LHX1: variants seen among roughly 807,000 people sequenced by gnomAD.
The protein encoded by LHX1 is LIM/homeobox protein Lhx1.
A neutral mutation model predicts 34.1 loss-of-function variants in LHX1; 9 were observed. That is an observed-to-expected ratio of 0.26 (90% CI 0.16 to 0.46). LHX1 has a LOEUF of 0.46. Ranked by LOEUF, LHX1 falls within the 20% of genes least tolerant of loss-of-function variation. The pLI, the probability that LHX1 is intolerant of heterozygous loss-of-function variation, is 1.00. For synonymous variants in LHX1, 254 were observed against 241.5 expected (o/e 1.05, Z -0.48); for missense variants, 446 against 559.1 (o/e 0.80, Z 2.04).
Position 36,942,185 on chromosome 17 carries a change from C to T in LHX1, c.676-15C>T, listed in dbSNP as rs2070769348. On this transcript the variant is annotated splice_polypyrimidine_tract_variant and intron_variant, in intron 3 of 4. Transcript: ENST00000614239. ...TGGAGTCTCGGTGGCCTCACCCCGC[C>T]GCCATGTGCTGCAGGTCTGGTTCCA... 2 of 1,572,928 alleles carry T rather than the reference C, an allele frequency of 1.3e-6. No homozygotes were observed. Among genetic ancestry groups the T allele is most frequent in the Non-Finnish European group, 1.7e-6 (2 of 1,168,334 alleles).
chr17:36,938,490 A>T, intron 1 of LHX1, 123 bp downstream of exon 1: 1 of 1,015,862 alleles, frequency 9.8e-7, no homozygotes, highest in Non-Finnish European at 1.5e-6. Context: ...GAGGGCAGCC[A>T]AGTCCCGCGG....
chr17:36,938,356 C>A lies in LHX1; in HGVS notation c.159C>A (p.Asn53Lys), dbSNP rs34167802. 2 of 1,614,172 alleles carry A rather than the reference C, an allele frequency of 1.2e-6. No individual in the cohort carries two copies. Among genetic ancestry groups the A allele is most frequent in the Admixed American group, 1.7e-5 (1 of 60,024 alleles). The stretch of plus-strand genomic sequence containing the variant: ...GGGAAGGCAAACTCTACTGCAAGAA[C>A]GACTTCTTCCGGTGAGTACTTTCCT... ...FSREGKLYCKNDFFRCFGTKC... is the reference protein window; with the variant it reads ...FSREGKLYCKKDFFRCFGTKC... The change falls in exon 1 of 5, where the codon AAC becomes AAA. Residue 53 changes from asparagine (N) to lysine (K), a missense_variant. Asn to Lys is a moderately conservative substitution (Grantham distance 94). Coordinates refer to ENST00000614239, the MANE Select transcript of LHX1 (RefSeq NM_005568.5).
In LHX1 at chr17:36,937,821, T is replaced by G; in HGVS notation, c.-377T>G. ...AGTCGTCGTCTTCTTCTTCTCCGTT[T>G]TTATTTATTTATTTCCGTTCCCGCC... On this transcript the variant is annotated 5_prime_UTR_variant, in exon 1 of 5. Coordinates refer to ENST00000614239, the MANE Select transcript of LHX1 (RefSeq NM_005568.5). 2.0e-6 allele frequency: 1 copy of G among 504,698 alleles called. No homozygotes were observed. The highest frequency in any genetic ancestry group is 5.5e-5 in the East Asian group (1 of 18,324). The allele number at this position is 504,698 out of a possible 1,614,324, so 31.3% of individuals were successfully genotyped here.
chr17:36,944,184 C>G lies in LHX1; in HGVS notation c.*1053C>G, dbSNP rs1483104402. 1 of 150,686 alleles carries G rather than the reference C, an allele frequency of 6.6e-6. No individual in the cohort carries two copies. Among genetic ancestry groups the G allele is most frequent in the African/African-American group, 2.4e-5 (1 of 40,862 alleles). The allele number at this position is 150,686 out of a possible 1,614,324, so 9.3% of individuals were successfully genotyped here. ...TTACACGAGGCAAAGAGAAAACATG[C>G]TATTCAGACAGTTGCCAAATAGAAT... is the stretch of plus-strand genomic sequence containing the variant. On this transcript the variant is annotated 3_prime_UTR_variant, in exon 5 of 5. Coordinates refer to ENST00000614239, the MANE Select transcript of LHX1 (RefSeq NM_005568.5).
chr17:36,940,698 G>C lies in LHX1; in HGVS notation c.486G>C (p.Ser162=), dbSNP rs1567957266. 1 of 1,613,778 alleles carries C rather than the reference G, an allele frequency of 6.2e-7. No individual in the cohort carries two copies. Among genetic ancestry groups the C allele is most frequent in the Non-Finnish European group, 8.5e-7 (1 of 1,180,046 alleles). ...AGGACTCGGAGAGCGCCAACGTGTC[G>C]GACAAGGAAGCGGGTAGCAACGAGA... ...DAKDSESANV[S]DKEAGSNEND... is the part of the protein sequence containing the mutation. The change falls in exon 3 of 5, where the codon TCG becomes TCC. Residue 162 remains serine (S), a synonymous_variant. Transcript: ENST00000614239.
Position 36,943,206 on chromosome 17 carries a change from A to AAC in LHX1, c.*76_*77insCA, listed in dbSNP as rs2070780078. 2 of 1,513,088 alleles carry AAC rather than the reference A, an allele frequency of 1.3e-6. No individual in the cohort carries two copies. The highest frequency in any genetic ancestry group is 1.3e-5 in the South Asian group (1 of 79,630). 93.7% of individuals were successfully genotyped at this position (1,513,088 alleles called of 1,614,324 possible). ...TTATTTAAGAAAAATAGAAAAAAAA[A>AAC]AACATAAAAAGCAAGTCCCCACCCC... On this transcript the variant is annotated 3_prime_UTR_variant, in exon 5 of 5. Transcript: ENST00000614239.
chr17:36,940,076 GCT>G lies in LHX1; in HGVS notation c.171-206_171-205del. The G allele has an allele frequency of 5.0e-6, 3 of 603,982 alleles. No individual in the cohort carries two copies. In the South Asian group the frequency reaches 5.9e-5, roughly 12 times the overall value. 37.4% of individuals were successfully genotyped at this position (603,982 alleles called of 1,614,324 possible). The stretch of plus-strand genomic sequence containing the variant: ...CTCCCTAACTCTTCCCTGGTGCCGC[GCT>G]CTCTCTCCTGCTGCCTCCTCACCTG... On this transcript the variant is annotated intron_variant, in intron 1 of 4. Transcript: ENST00000614239.
chr17:36,942,116 G>A, intron 3 of LHX1, 84 bp from the exon 4 acceptor site: 3 of 1,425,884 alleles, frequency 2.1e-6, no homozygotes, highest in Non-Finnish European at 2.9e-6. Flanking sequence ...TAGCCAGGCG[G>A]TGAAGGGGTG....
At chr17:36,941,693 G>T (rs761937890) in intron 3 of LHX1, among the ~76,000 whole-genome samples, 1 of 152,264 alleles carries the variant, frequency 6.6e-6, no homozygotes, top group African/African-American at 2.4e-5. Flanking sequence ...GTCACTATTG[G>T]CAAGAGGCTG....
Position 36,943,132 on chromosome 17 carries a change from C to A in LHX1, c.*1C>A. The A allele has an allele frequency of 6.2e-7, 1 of 1,611,574 alleles. No homozygotes were observed. The highest frequency in any genetic ancestry group is 2.2e-5 in the East Asian group (1 of 44,798). On this transcript the variant is annotated 3_prime_UTR_variant, in exon 5 of 5. Transcript: ENST00000614239. ...AATGAACGAGGCGGCCGTGTGGTAG[C>A]GGGGTCTCGCACGGTCTGCGGAGTT...
At position 36,938,690 on chromosome 17, in the gene LHX1, C is replaced by T. The variant is rs1228733649; in HGVS notation, c.170+323C>T. The T allele has an allele frequency of 3.3e-5, 16 of 485,694 alleles. No homozygotes were observed. The East Asian group carries it at 6.0e-4, about 18-fold the overall frequency. The allele number at this position is 485,694 out of a possible 1,614,324, so 30.1% of individuals were successfully genotyped here. A position where few individuals can be genotyped will look rare whatever the true frequency, so the allele number is the denominator to read the frequency against. On this transcript the variant is annotated intron_variant, in intron 1 of 4. Coordinates refer to ENST00000614239, the MANE Select transcript of LHX1 (RefSeq NM_005568.5). ...CGGGCGTTGTAGCCCGGACTGCTGT[C>T]TTTCCCGGAGCCAAGCTCTGCAGCA...
chr17:36,940,278 AC>A lies in LHX1; in HGVS notation c.171-5del, dbSNP rs749643400. On this transcript the variant is annotated splice_polypyrimidine_tract_variant and intron_variant, in intron 1 of 4. Transcript: ENST00000614239. ...ATCCCCGCCCCCGCCCCCCACCCCC[AC>A]CCCCCCGCAGGTGTTTCGGTACCAA... 1.3e-3 allele frequency: 388 copies of A among 291,844 alleles called. No individual in the cohort carries two copies. The highest frequency in any genetic ancestry group is 2.1e-3 in the Non-Finnish European group (335 of 156,948). The allele number at this position is 291,844 out of a possible 1,614,324, so 18.1% of individuals were successfully genotyped here.
Position 36,937,843 on chromosome 17 carries a change from C to T in LHX1, c.-355C>T, listed in dbSNP as rs1443950979. ...GTTTTTATTTATTTATTTCCGTTCC[C>T]GCCGCCGTTCTCGCTGACCTTCACT... On this transcript the variant is annotated 5_prime_UTR_variant, in exon 1 of 5. Transcript: ENST00000614239. 5.3e-6 allele frequency: 3 copies of T among 563,104 alleles called. No homozygotes were observed. Among genetic ancestry groups the T allele is most frequent in the South Asian group, 3.1e-5 (2 of 65,414 alleles). The allele number at this position is 563,104 out of a possible 1,614,324, so 34.9% of individuals were successfully genotyped here.
chr17:36,941,000 A>T lies in LHX1; in HGVS notation c.675+113A>T, dbSNP rs1420157704. 5 of 1,489,472 alleles carry T rather than the reference A, an allele frequency of 3.4e-6. No individual in the cohort carries two copies. In the Admixed American group the frequency reaches 9.8e-5, roughly 29 times the overall value. The allele number at this position is 1,489,472 out of a possible 1,614,324, so 92.3% of individuals were successfully genotyped here. A position where few individuals can be genotyped will look rare whatever the true frequency, so the allele number is the denominator to read the frequency against. On this transcript the variant is annotated intron_variant, in intron 3 of 4. Transcript: ENST00000614239. ...GAGAGAAGTGAGAGATGGAGTCCAG[A>T]GGTGGGGTGCCTAGACACATCCCGA... is the stretch of plus-strand genomic sequence containing the variant.
At chr17:36,940,212 A>T in intron 1 of LHX1, 78 bp from the exon 2 acceptor site, 3 of 828,112 alleles carry the variant, frequency 3.6e-6, no homozygotes, top group South Asian at 3.0e-5. Flanking sequence ...TCTCGCTGTC[A>T]TCTTTCTCTC....
intron 1 of LHX1, among the ~76,000 whole-genome samples, chr17:36,939,882 C>A (rs936827332): frequency 6.6e-6 from 1 of 152,270 alleles, no homozygotes; most frequent in African/African-American, 2.4e-5. Flanking sequence ...AATTGTAATT[C>A]GACTTTTCTG....
At chr17:36,939,757 CTA>C (rs1219451746) in intron 1 of LHX1, among the ~76,000 whole-genome samples, 1 of 152,242 alleles carries the variant, frequency 6.6e-6, no homozygotes, top group East Asian at 1.9e-4. Context: ...CTCTCCGCGG[CTA>C]TGTTTGTTTA....
At position 36,937,721 on chromosome 17, in the gene LHX1, C is replaced by T. The variant is rs774913157; in HGVS notation, c.-477C>T. 1 of 445,910 alleles carries T rather than the reference C, an allele frequency of 2.2e-6. No homozygotes were observed. The highest frequency in any genetic ancestry group is 4.5e-6 in the Non-Finnish European group (1 of 221,522). The allele number at this position is 445,910 out of a possible 1,614,324, so 27.6% of individuals were successfully genotyped here. The stretch of plus-strand genomic sequence containing the variant: ...CCTCATACCCCGACAAAAGCAGATG[C>T]ACTTTGACTTCTGACAGCTCTACCT... On this transcript the variant is annotated 5_prime_UTR_variant, in exon 1 of 5. Transcript: ENST00000614239.
rs968915028 is a variant in LHX1, at chr17:36,943,179, CTTTA to C, written c.*53_*56del. 2.0e-6 allele frequency: 3 copies of C among 1,498,128 alleles called. No individual in the cohort carries two copies. The highest frequency in any genetic ancestry group is 2.7e-6 in the Non-Finnish European group (3 of 1,105,360). 92.8% of individuals were successfully genotyped at this position (1,498,128 alleles called of 1,614,324 possible). A position where few individuals can be genotyped will look rare whatever the true frequency, so the allele number is the denominator to read the frequency against. ...AGTTCGTGGTTGTACAGAAATGAACCTTTATTTAAGAAAAATAGAAAAAAAAAAA... is the reference window on the plus strand; with the variant it reads ...AGTTCGTGGTTGTACAGAAATGAACCTTTAAGAAAAATAGAAAAAAAAAAA... On this transcript the variant is annotated 3_prime_UTR_variant, in exon 5 of 5. Transcript: ENST00000614239.
Sources: allele counts gnomAD v4.1 joint callset (sites outside exome capture counted in the v4.1 genomes callset), GRCh38; gene constraint gnomAD v4.1.1; transcripts MANE v1.5; gene names NCBI Gene and HGNC (gene_info 2026-07-23, HGNC 2026-07-21).